Variants in NAGS observed in about 807,000 individuals in gnomAD.
The protein encoded by NAGS is N-acetylglutamate synthase.
NAGS carries 34 observed loss-of-function variants against 46.9 expected under a neutral mutation model. The ratio of observed to expected loss-of-function variants is 0.72; its 90% CI spans 0.55 to 0.97. NAGS has a LOEUF of 0.97. Among genes scored for constraint, NAGS ranks in the 50% least tolerant of loss-of-function variants. The pLI, the probability that NAGS is intolerant of heterozygous loss-of-function variation, is 0.00. For synonymous variants in NAGS, 334 were observed against 346.3 expected (o/e 0.96, Z 0.39); for missense variants, 665 against 747.0 (o/e 0.89, Z 1.28).
chr17:44,005,599 G>T lies in NAGS; in HGVS notation c.427-38G>T. On this transcript the variant is annotated intron_variant, in intron 1 of 6. Transcript: ENST00000293404. This position sits in a 1 kb window ranked among gnomAD's most constrained non-coding sequence, Gnocchi z 7.2. ...CAGGCTGTGGGAGCCAGCGGCTCAG[G>T]TCCGTGTCACGCTCCTTGAAAGCCC... 1 of 1,601,546 alleles carries T rather than the reference G, an allele frequency of 6.2e-7. No homozygotes were observed. The highest frequency in any genetic ancestry group is 2.3e-5 in the East Asian group (1 of 44,314).
Position 44,005,604 on chromosome 17 carries a change from T to C in NAGS, c.427-33T>C. 1 of 1,603,928 alleles carries C rather than the reference T, an allele frequency of 6.2e-7. No homozygotes were observed. On this transcript the variant is annotated intron_variant, in intron 1 of 6. Coordinates refer to ENST00000293404, the MANE Select transcript of NAGS (RefSeq NM_153006.3). This position sits in a 1 kb window ranked among gnomAD's most constrained non-coding sequence, Gnocchi z 7.2. ...TGTGGGAGCCAGCGGCTCAGGTCCG[T>C]GTCACGCTCCTTGAAAGCCCACTCC...
chr17:44,006,422 C>T lies in NAGS; in HGVS notation c.916-107C>T, dbSNP rs1597865457. On this transcript the variant is annotated intron_variant, in intron 3 of 6. Transcript: ENST00000293404. This position sits in a 1 kb window ranked among gnomAD's most constrained non-coding sequence, Gnocchi z 4.8. ...CTGCGCCCTCCCTGGCTAAGGACTC[C>T]GGGCGGAAGTAAGGATAAAGGGGTC... 2 of 1,503,358 alleles carry T rather than the reference C, an allele frequency of 1.3e-6. No homozygotes were observed. The highest frequency in any genetic ancestry group is 4.9e-5 in the East Asian group (2 of 40,446). 93.1% of individuals were successfully genotyped at this position (1,503,358 alleles called of 1,614,324 possible).
rs867286472 is a variant in NAGS, at chr17:44,005,764, G to T, written c.554G>T (p.Gly185Val). ...CTGCCGGCCCCTACGGCTCCCTCGG[G>T]CTGTCTTTCCTTCTGGGAGGCCAAG... is the stretch of plus-strand genomic sequence containing the variant. The part of the protein sequence containing the change: ...LGLPAPTAPS[G>V]CLSFWEAKAQ... The change falls in exon 2 of 7, where the codon GGC becomes GTC. Residue 185 changes from glycine (G) to valine (V), a missense_variant. Physicochemically the swap from Gly to Val is moderately radical, Grantham distance 109. Coordinates refer to ENST00000293404, the MANE Select transcript of NAGS (RefSeq NM_153006.3). The surrounding 1 kb of genome is among the most constrained non-coding windows in gnomAD (Gnocchi z 7.2). The T allele has an allele frequency of 6.3e-7, 1 of 1,590,876 alleles. No homozygotes were observed. Among genetic ancestry groups the T allele is most frequent in the East Asian group, 2.3e-5 (1 of 43,880 alleles).
rs535703833 is a variant in NAGS, at chr17:44,005,675, C to T, written c.465C>T (p.Ser155=). The T allele has an allele frequency of 8.0e-5, 129 of 1,610,152 alleles. 2 individuals carry two copies. In the East Asian group the frequency reaches 2.8e-3, roughly 35 times the overall value. Residue 155 remains serine (S), a synonymous_variant, in exon 2 of 7, where the codon TCC becomes TCT. Coordinates refer to ENST00000293404, the MANE Select transcript of NAGS (RefSeq NM_153006.3). The surrounding 1 kb of genome is among the most constrained non-coding windows in gnomAD (Gnocchi z 7.2). ...EEVLKCQQGV[S]SLAFALAFLQ... The stretch of plus-strand genomic sequence containing the variant: ...TGCTCAAGTGCCAGCAGGGCGTATC[C>T]AGTCTGGCCTTTGCCCTGGCCTTCT...
rs1190813129 is a variant in NAGS, at chr17:44,007,018, G to A, written c.1097-305G>A. ...AGGGAGGTGTTCGACCGGGAGAGAT[G>A]GGCGGGGCTTAGGTGGGTGGGCCGG... On this transcript the variant is annotated intron_variant, in intron 4 of 6. Transcript: ENST00000293404. The surrounding 1 kb of genome is among the most constrained non-coding windows in gnomAD (Gnocchi z 5.1). 13 of 555,382 alleles carry A rather than the reference G, an allele frequency of 2.3e-5. No homozygotes were observed. The highest frequency in any genetic ancestry group is 4.8e-4 in the Middle Eastern group (1 of 2,078). 34.4% of individuals were successfully genotyped at this position (555,382 alleles called of 1,614,324 possible).
Position 44,006,413 on chromosome 17 carries a change from T to G in NAGS, c.916-116T>G. 6.7e-7 allele frequency: 1 copy of G among 1,494,784 alleles called. No homozygotes were observed. The highest frequency in any genetic ancestry group is 1.2e-5 in the South Asian group (1 of 82,054). 92.6% of individuals were successfully genotyped at this position (1,494,784 alleles called of 1,614,324 possible). A position where few individuals can be genotyped will look rare whatever the true frequency, so the allele number is the denominator to read the frequency against. On this transcript the variant is annotated intron_variant, in intron 3 of 6. Transcript: ENST00000293404. This position sits in a 1 kb window ranked among gnomAD's most constrained non-coding sequence, Gnocchi z 4.8. ...TGCCCAGATCTGCGCCCTCCCTGGC[T>G]AAGGACTCCGGGCGGAAGTAAGGAT... is the stretch of plus-strand genomic sequence containing the variant.
chr17:44,006,194 T>A lies in NAGS; in HGVS notation c.872T>A (p.Ile291Asn). ...AAGGCGCTGCGGCCCACCAAAATCATCTTCCTCAATAACACAGGCGGCCTG... is the reference window on the plus strand; with the variant it reads ...AAGGCGCTGCGGCCCACCAAAATCAACTTCCTCAATAACACAGGCGGCCTG... The part of the protein sequence containing the change: ...LAKALRPTKI[I>N]FLNNTGGLRD... Residue 291 changes from isoleucine (I) to asparagine (N), a missense_variant, in exon 3 of 7, where the codon ATC becomes AAC. Ile to Asn is a moderately radical substitution (Grantham distance 149). Transcript: ENST00000293404. The surrounding 1 kb of genome is among the most constrained non-coding windows in gnomAD (Gnocchi z 4.8). 2.5e-6 allele frequency: 4 copies of A among 1,613,284 alleles called. No individual in the cohort carries two copies. The highest frequency in any genetic ancestry group is 1.7e-6 in the Non-Finnish European group (2 of 1,179,984).
At position 44,008,701 on chromosome 17, in the gene NAGS, G is replaced by C; in HGVS notation, c.*100G>C. Reference sequence around the variant, plus strand: ...GGCAGCCAGCCACAGGCTGAAGGGGGCTTGTTGGCTGAGTGATCTGCAGAG... The same window carrying C: ...GGCAGCCAGCCACAGGCTGAAGGGGCCTTGTTGGCTGAGTGATCTGCAGAG... On this transcript the variant is annotated 3_prime_UTR_variant, in exon 7 of 7. Transcript: ENST00000293404. 1.3e-6 allele frequency: 2 copies of C among 1,505,680 alleles called. No homozygotes were observed. Among genetic ancestry groups the C allele is most frequent in the Non-Finnish European group, 1.8e-6 (2 of 1,085,886 alleles). 93.3% of individuals were successfully genotyped at this position (1,505,680 alleles called of 1,614,324 possible).
Position 44,007,226 on chromosome 17 carries a change from C to A in NAGS, c.1097-97C>A. The A allele has an allele frequency of 8.5e-7, 1 of 1,171,420 alleles. No homozygotes were observed. Among genetic ancestry groups the A allele is most frequent in the Non-Finnish European group, 1.2e-6 (1 of 820,712 alleles). The allele number at this position is 1,171,420 out of a possible 1,614,324, so 72.6% of individuals were successfully genotyped here. A position where few individuals can be genotyped will look rare whatever the true frequency, so the allele number is the denominator to read the frequency against. ...TTTCACTGTGGAGGTCTCCCAAAGA[C>A]GGAAATTGTCCCACCAGCGCCTGTC... On this transcript the variant is annotated intron_variant, in intron 4 of 6. Coordinates refer to ENST00000293404, the MANE Select transcript of NAGS (RefSeq NM_153006.3). The surrounding 1 kb of genome is among the most constrained non-coding windows in gnomAD (Gnocchi z 5.1).
rs768762162 is a variant in NAGS at position 44,007,366 on chromosome 17, G to T, written c.1140G>T (p.Val380=). 6.2e-7 allele frequency: 1 copy of T among 1,613,950 alleles called. No homozygotes were observed. Among genetic ancestry groups the T allele is most frequent in the South Asian group, 1.1e-5 (1 of 91,082 alleles). ...LFKNAERMLR[V]RSLDKLDQGR... is the part of the protein sequence containing the mutation. The stretch of plus-strand genomic sequence containing the variant: ...AGAACGCCGAGCGAATGCTACGGGT[G>T]CGCAGCCTGGACAAGCTGGACCAGG... Residue 380 remains valine (V), a synonymous_variant, in exon 5 of 7, where the codon GTG becomes GTT. Transcript: ENST00000293404. This position sits in a 1 kb window ranked among gnomAD's most constrained non-coding sequence, Gnocchi z 5.1.
chr17:44,005,705 G>A lies in NAGS; in HGVS notation c.495G>A (p.Gln165=). The A allele has an allele frequency of 6.2e-7, 1 of 1,603,008 alleles. No homozygotes were observed. Among genetic ancestry groups the A allele is most frequent in the South Asian group, 1.1e-5 (1 of 88,868 alleles). The change falls in exon 2 of 7, where the codon CAG becomes CAA. Residue 165 remains glutamine, a synonymous_variant. Coordinates refer to ENST00000293404, the MANE Select transcript of NAGS (RefSeq NM_153006.3). This position sits in a 1 kb window ranked among gnomAD's most constrained non-coding sequence, Gnocchi z 7.2. ...TGGCCTTTGCCCTGGCCTTCTTGCAGCGCATGGACATGAAGCCGCTGGTGG... is the reference window on the plus strand; with the variant it reads ...TGGCCTTTGCCCTGGCCTTCTTGCAACGCATGGACATGAAGCCGCTGGTGG... The part of the protein sequence containing the change: ...SSLAFALAFL[Q]RMDMKPLVVL...
chr17:44,007,572 C>G lies in NAGS; in HGVS notation c.1269-19C>G. 1 of 1,611,442 alleles carries G rather than the reference C, an allele frequency of 6.2e-7. No individual in the cohort carries two copies. The highest frequency in any genetic ancestry group is 8.5e-7 in the Non-Finnish European group (1 of 1,179,060). ...GGACCAAGGAGAGGTCCCAGCCTGC[C>G]GCTCTCCCGCTGCGCCAGGTACAAC... On this transcript the variant is annotated intron_variant, in intron 5 of 6. Transcript: ENST00000293404. The surrounding 1 kb of genome is among the most constrained non-coding windows in gnomAD (Gnocchi z 5.1).
chr17:44,005,153 T>A lies in NAGS; in HGVS notation c.426+64T>A. The A allele has an allele frequency of 6.6e-7, 1 of 1,514,974 alleles. No individual in the cohort carries two copies. The highest frequency in any genetic ancestry group is 8.8e-7 in the Non-Finnish European group (1 of 1,131,158). 93.8% of individuals were successfully genotyped at this position (1,514,974 alleles called of 1,614,324 possible). A position where few individuals can be genotyped will look rare whatever the true frequency, so the allele number is the denominator to read the frequency against. On this transcript the variant is annotated intron_variant, in intron 1 of 6. Coordinates refer to ENST00000293404, the MANE Select transcript of NAGS (RefSeq NM_153006.3). The surrounding 1 kb of genome is among the most constrained non-coding windows in gnomAD (Gnocchi z 7.2). ...GATGGGGTTGTGCGGCCACCTGTCC[T>A]CAGGCATGGCAGGATACGCTGCGGG...
At position 44,008,591 on chromosome 17, in the gene NAGS, C is replaced by T. The variant is rs771810900; in HGVS notation, c.1595C>T (p.Pro532Leu). The change falls in exon 7 of 7, where the codon CCA becomes CTA. Residue 532 changes from proline to leucine, a missense_variant. By Grantham distance (98) the Pro-to-Leu change is moderately conservative. Coordinates refer to ENST00000293404, the MANE Select transcript of NAGS (RefSeq NM_153006.3). ...PDSFHKPASD[P>L]GS Reference sequence around the variant, plus strand: ...TCCTTTCACAAGCCAGCTTCTGACCCAGGCAGCTGACCCTCACCATGGACA... The same window carrying T: ...TCCTTTCACAAGCCAGCTTCTGACCTAGGCAGCTGACCCTCACCATGGACA... The T allele has an allele frequency of 1.9e-6, 3 of 1,613,590 alleles. No individual in the cohort carries two copies. Among genetic ancestry groups the T allele is most frequent in the African/African-American group, 1.3e-5 (1 of 74,928 alleles).
In NAGS at chr17:44,007,412, A is replaced by G. The variant is rs1291542755; in HGVS notation, c.1186A>G (p.Asn396Asp). The G allele has an allele frequency of 1.2e-6, 2 of 1,613,690 alleles. No homozygotes were observed. The highest frequency in any genetic ancestry group is 1.7e-6 in the Non-Finnish European group (2 of 1,179,930). ...LDQGRLVDLV[N>D]ASFGKKLRDD... Reference sequence around the variant, plus strand: ...CCAGGGCCGTCTAGTGGACCTGGTCAACGCCAGCTTCGGCAAGAAGCTCAG... The same window carrying G: ...CCAGGGCCGTCTAGTGGACCTGGTCGACGCCAGCTTCGGCAAGAAGCTCAG... Residue 396 changes from asparagine to aspartate, a missense_variant, in exon 5 of 7, where the codon AAC becomes GAC. Asn to Asp is a conservative substitution (Grantham distance 23). Coordinates refer to ENST00000293404, the MANE Select transcript of NAGS (RefSeq NM_153006.3). The surrounding 1 kb of genome is among the most constrained non-coding windows in gnomAD (Gnocchi z 5.1).
At position 44,007,718 on chromosome 17, in the gene NAGS, C is replaced by T. The variant is rs202171652; in HGVS notation, c.1396C>T (p.Arg466Trp). ...CCAGATGCTGTGGGAGTGCCTGCGG[C>T]GGGACCTTCAGACACTTTTCTGGCG... ...SGQMLWECLR[R>W]DLQTLFWRSR... The change falls in exon 6 of 7, where the codon CGG becomes TGG. Residue 466 changes from arginine to tryptophan, a missense_variant. Transcript: ENST00000293404. The surrounding 1 kb of genome is among the most constrained non-coding windows in gnomAD (Gnocchi z 5.1). 4 of 1,602,128 alleles carry T rather than the reference C, an allele frequency of 2.5e-6. No homozygotes were observed. Among genetic ancestry groups the T allele is most frequent in the Non-Finnish European group, 3.4e-6 (4 of 1,173,802 alleles).
In NAGS at chr17:44,006,818, G is replaced by C. The variant is rs1390093589; in HGVS notation, c.1096+109G>C. 8 of 1,195,756 alleles carry C rather than the reference G, an allele frequency of 6.7e-6. No homozygotes were observed. Among genetic ancestry groups the C allele is most frequent in the East Asian group, 2.5e-5 (1 of 40,110 alleles). The allele number at this position is 1,195,756 out of a possible 1,614,324, so 74.1% of individuals were successfully genotyped here. On this transcript the variant is annotated intron_variant, in intron 4 of 6. Coordinates refer to ENST00000293404, the MANE Select transcript of NAGS (RefSeq NM_153006.3). This position sits in a 1 kb window ranked among gnomAD's most constrained non-coding sequence, Gnocchi z 4.8. ...TTCTCCTCCTGTCCAGGAGCCGTAG[G>C]GGGAGGCGGGGGGTGTCACAGCAAT... is the stretch of plus-strand genomic sequence containing the variant.
Position 44,006,444 on chromosome 17 carries a change from G to T in NAGS, c.916-85G>T, listed in dbSNP as rs903384515. On this transcript the variant is annotated intron_variant, in intron 3 of 6. Transcript: ENST00000293404. This position sits in a 1 kb window ranked among gnomAD's most constrained non-coding sequence, Gnocchi z 4.8. The stretch of plus-strand genomic sequence containing the variant: ...CTCCGGGCGGAAGTAAGGATAAAGG[G>T]GTCAGAGAAAAGAGAGGTCCGTGGG... 7.2e-6 allele frequency: 11 copies of T among 1,529,776 alleles called. No individual in the cohort carries two copies. Among genetic ancestry groups the T allele is most frequent in the Admixed American group, 2.0e-5 (1 of 50,834 alleles). The allele number at this position is 1,529,776 out of a possible 1,614,324, so 94.8% of individuals were successfully genotyped here. A position where few individuals can be genotyped will look rare whatever the true frequency, so the allele number is the denominator to read the frequency against.
rs2049106223 is a variant in NAGS at position 44,007,319 on chromosome 17, C to T, written c.1097-4C>T. ...CAGACTAGCCCCTCCCCATCCTCCT[C>T]CAGGGTCCGGGACCCTGTTCAAGAA... On this transcript the variant is annotated splice_polypyrimidine_tract_variant and splice_region_variant and intron_variant, in intron 4 of 6. Coordinates refer to ENST00000293404, the MANE Select transcript of NAGS (RefSeq NM_153006.3). This position sits in a 1 kb window ranked among gnomAD's most constrained non-coding sequence, Gnocchi z 5.1. 1 of 1,613,558 alleles carries T rather than the reference C, an allele frequency of 6.2e-7. No homozygotes were observed. The highest frequency in any genetic ancestry group is 1.7e-5 in the Admixed American group (1 of 59,968).
Sources: allele counts gnomAD v4.1 joint callset, GRCh38; gene constraint gnomAD v4.1.1; non-coding constraint Gnocchi (gnomAD v3.1); transcripts MANE v1.5; gene names NCBI Gene and HGNC (gene_info 2026-07-23, HGNC 2026-07-21).